FRMD6: variants seen among roughly 807,000 people sequenced by gnomAD.
The protein encoded by FRMD6 is FERM domain containing 6.
FRMD6 carries 37 observed loss-of-function variants against 73.2 expected under a neutral mutation model. That is an observed-to-expected ratio of 0.51 (90% CI 0.39 to 0.66). The LOEUF (loss-of-function observed/expected upper bound fraction) is 0.66. Among genes scored for constraint, FRMD6 ranks in the 30% least tolerant of loss-of-function variants. The pLI is 0.00. For missense variants in FRMD6, 714 were observed against 780.5 expected, an observed-to-expected ratio of 0.91 and a Z score of 1.02; for synonymous variants, 273 against 282.2, an observed-to-expected ratio of 0.97 and a Z score of 0.33.
At chr14:51,400,130 G>T in the FRMD6 span, among the ~76,000 whole-genome samples, 1 of 143,936 alleles carries the variant, frequency 6.9e-6, no homozygotes, top group Non-Finnish European at 1.5e-5. Flanking sequence ...AACATTTAAA[G>T]TCCTCTCTTT....
the FRMD6 span, among the ~76,000 whole-genome samples, chr14:51,468,164 G>A: frequency 4.6e-5 from 7 of 151,948 alleles, no homozygotes; most frequent in South Asian, 6.2e-4. Flanking sequence ...GGCGGCGCGC[G>A]CCTGCAATCC....
At chr14:51,475,392 A>G in the FRMD6 span, among the ~76,000 whole-genome samples, 1 of 152,200 alleles carries the variant, frequency 6.6e-6, no homozygotes, top group African/African-American at 2.4e-5. Context: ...TGATGTCAGG[A>G]GTAACTTTTG....
intron 1 of FRMD6, among the ~76,000 whole-genome samples, chr14:51,537,837 T>C (rs1885981265): frequency 6.6e-6 from 1 of 152,234 alleles, no homozygotes; most frequent in African/African-American, 2.4e-5. Context: ...CATCTGCTCA[T>C]TTTTTCACTT....
At chr14:51,462,886 C>G in the FRMD6 span, among the ~76,000 whole-genome samples, 1 of 152,060 alleles carries the variant, frequency 6.6e-6, no homozygotes, top group East Asian at 1.9e-4. Context: ...GAGTTCTAAT[C>G]CTCTCTGTGC....
chr14:51,589,626 T>A (rs1237729549), intron 2 of FRMD6, among the ~76,000 whole-genome samples: 1 of 152,208 alleles, frequency 6.6e-6, no homozygotes, highest in Non-Finnish European at 1.5e-5. Flanking sequence ...TTTCTGTTAC[T>A]ACCCCTCTGG....
At chr14:51,718,198 G>A (rs1897336576) in intron 10 of FRMD6, among the ~76,000 whole-genome samples, 2 of 152,186 alleles carry the variant, frequency 1.3e-5, no homozygotes, top group Admixed American at 6.5e-5. Flanking sequence ...AAAGGGTCTG[G>A]TACAGCACTA....
At position 51,728,191 on chromosome 14, in the gene FRMD6, C is replaced by A. The variant is rs113205157; in HGVS notation, c.*162C>A. 10 of 670,606 alleles carry A rather than the reference C, an allele frequency of 1.5e-5. No individual in the cohort carries two copies. The African/African-American group carries it at 1.6e-4, about 11-fold the overall frequency. The allele number at this position is 670,606 out of a possible 1,614,324, so 41.5% of individuals were successfully genotyped here. A position where few individuals can be genotyped will look rare whatever the true frequency, so the allele number is the denominator to read the frequency against. On this transcript the variant is annotated 3_prime_UTR_variant, in exon 14 of 14. Coordinates refer to ENST00000344768, the MANE Select transcript of FRMD6 (RefSeq NM_001267046.2). ...GGAAACAAAAGCCTTGGAACAATTGCACTTTAAGTATTACACAGAAGTAAA... is the reference window on the plus strand; with the variant it reads ...GGAAACAAAAGCCTTGGAACAATTGAACTTTAAGTATTACACAGAAGTAAA...
chr14:51,531,774 C>T (rs1347652480), intron 1 of FRMD6, among the ~76,000 whole-genome samples: 1 of 152,162 alleles, frequency 6.6e-6, no homozygotes, highest in Non-Finnish European at 1.5e-5. Context: ...TTGCTTTACT[C>T]ATTAACATAA....
chr14:51,648,096 A>AT, upstream of FRMD6, among the ~76,000 whole-genome samples: 1 of 152,228 alleles, frequency 6.6e-6, no homozygotes. Flanking sequence ...AAGTGCTGGG[A>AT]TTACAGGCAT....
At chr14:51,409,992 T>C in the FRMD6 span, among the ~76,000 whole-genome samples, 1 of 152,228 alleles carries the variant, frequency 6.6e-6, no homozygotes, top group South Asian at 2.1e-4. Context: ...ACTTCTTGAA[T>C]GTAAATCTTG....
chr14:51,558,617 T>C lies in FRMD6; in HGVS notation c.-209-11731T>C, dbSNP rs565579691. Reference sequence around the variant, plus strand: ...CAAAAATGTCATAATATAGTATAATTATATAATTACATGCCTTTCCCAATA... The same window carrying C: ...CAAAAATGTCATAATATAGTATAATCATATAATTACATGCCTTTCCCAATA... On this transcript the variant is annotated intron_variant, in intron 1 of 14. Coordinates refer to the FRMD6 transcript ENST00000356218. 7.2e-5 allele frequency among the ~76,000 whole-genome samples: 11 copies of C among 152,276 alleles called. No individual in the cohort carries two copies. The South Asian group carries it at 2.1e-3, about 29-fold the overall frequency.
At chr14:51,553,981 A>G (rs1258697526) in intron 1 of FRMD6, among the ~76,000 whole-genome samples, 2 of 152,150 alleles carry the variant, frequency 1.3e-5, no homozygotes, top group Non-Finnish European at 2.9e-5. Context: ...ATTATCCAAT[A>G]AAAAGAACCA....
At chr14:51,672,687 C>G (rs1422108068) in intron 1 of FRMD6, among the ~76,000 whole-genome samples, 1 of 151,474 alleles carries the variant, frequency 6.6e-6, no homozygotes, top group African/African-American at 2.4e-5. Context: ...TTTTGAAGTC[C>G]CTTCATATAG....
At chr14:51,414,987 C>G in the FRMD6 span, among the ~76,000 whole-genome samples, 2 of 152,122 alleles carry the variant, frequency 1.3e-5, no homozygotes, top group African/African-American at 4.8e-5. Context: ...CTTGTGATTT[C>G]TGCACTCTGA....
chr14:51,414,236 T>C, the FRMD6 span, among the ~76,000 whole-genome samples: 6 of 152,360 alleles, frequency 3.9e-5, no homozygotes, highest in African/African-American at 1.4e-4. Flanking sequence ...CTCATGCCTA[T>C]GTCCTGAATG....
the FRMD6 span, among the ~76,000 whole-genome samples, chr14:51,468,179 C>A: frequency 1.3e-5 from 2 of 151,954 alleles, no homozygotes; most frequent in Non-Finnish European, 2.9e-5. Context: ...CAATCCCAGG[C>A]ACTCGGCAGG....
At chr14:51,682,835 A>G (rs541563543) in intron 1 of FRMD6, among the ~76,000 whole-genome samples, 11 of 152,302 alleles carry the variant, frequency 7.2e-5, no homozygotes, top group Non-Finnish European at 1.6e-4. Context: ...TTCAGCATTT[A>G]GACCAAGCAC....
the FRMD6 span, among the ~76,000 whole-genome samples, chr14:51,445,028 A>G: frequency 6.6e-6 from 1 of 152,158 alleles, no homozygotes; most frequent in African/African-American, 2.4e-5. Context: ...TTGATCAACT[A>G]TTAATTTTTT....
the FRMD6 span, among the ~76,000 whole-genome samples, chr14:51,419,533 G>A: frequency 6.6e-6 from 1 of 152,178 alleles, no homozygotes; most frequent in East Asian, 1.9e-4. Flanking sequence ...GGGGAGGCAT[G>A]TAGCTTTTCC....
Sources: gnomAD v4.1 joint callset for allele counts (sites outside exome capture counted in the v4.1 genomes callset) on GRCh38, gnomAD v4.1.1 for gene constraint, MANE v1.5 for transcripts, NCBI Gene and HGNC (gene_info 2026-07-23, HGNC 2026-07-21) for gene names.